ATP5F1E: variants seen among roughly 807,000 people sequenced by gnomAD.
ATP5F1E encodes ATP synthase F(1) complex subunit epsilon, mitochondrial.
In ATP5F1E, 5 loss-of-function variants were observed where a neutral mutation model predicts 7.0. The ratio of observed to expected loss-of-function variants is 0.71; its 90% CI spans 0.37 to 1.49. ATP5F1E has a LOEUF of 1.49. Among genes scored for constraint, ATP5F1E ranks in the 40% most tolerant of loss-of-function variants. The pLI is 0.03. For synonymous variants in ATP5F1E, 20 were observed against 20.1 expected, an observed-to-expected ratio of 0.99 and a Z score of 0.02; for missense variants, 59 against 57.1, an observed-to-expected ratio of 1.03 and a Z score of -0.11.
At chr20:59,030,128 A>G (rs2092016469) in intron 2 of ATP5F1E, 175 bp downstream of exon 2, 1 of 698,244 alleles carries the variant, frequency 1.4e-6, no homozygotes. Flanking sequence ...CTTTCTTTTT[A>G]TTAGGCCAGG....
rs1283932860 is a variant in ATP5F1E, at chr20:59,028,077, A to T, written c.*768T>A. 1 of 152,242 alleles carries T rather than the reference A, an allele frequency of 6.6e-6. No individual in the cohort carries two copies. Among genetic ancestry groups the T allele is most frequent in the Non-Finnish European group, 1.5e-5 (1 of 68,042 alleles). The allele number at this position is 152,242 out of a possible 1,614,324, so 9.4% of individuals were successfully genotyped here. On this transcript the variant is annotated 3_prime_UTR_variant, in exon 3 of 3. Transcript: ENST00000243997. ...TAACTTGCAACAATTTTTCATCCCT[A>T]AATAATGAATGAATGAATCACTATG...
chr20:59,031,703 T>C (rs887526742), intron 1 of ATP5F1E, among the ~76,000 whole-genome samples: 1 of 152,178 alleles, frequency 6.6e-6, no homozygotes, highest in African/African-American at 2.4e-5. Flanking sequence ...CTTTCACCCC[T>C]TTTAGACATA....
intron 2 of ATP5F1E, 123 bp downstream of exon 2, chr20:59,030,180 T>C: frequency 7.6e-7 from 1 of 1,311,318 alleles, no homozygotes; most frequent in Middle Eastern, 2.6e-4. Context: ...ACCATCCCAA[T>C]AACTAACTTC....
intron 1 of ATP5F1E, 149 bp downstream of exon 1, chr20:59,032,071 C>T (rs2092035596): frequency 1.7e-6 from 2 of 1,146,572 alleles, no homozygotes; most frequent in African/African-American, 1.6e-5. Context: ...GCTTTGCCCA[C>T]AGCGACGCCA....
rs45551238 is a variant in ATP5F1E, at chr20:59,032,308, C to A, written c.-57G>T. On this transcript the variant is annotated 5_prime_UTR_variant, in exon 1 of 3. Coordinates refer to ENST00000243997, the MANE Select transcript of ATP5F1E (RefSeq NM_006886.4). The stretch of plus-strand genomic sequence containing the variant: ...ATCGCCAAGACGCCGGCAATGTCGG[C>A]TCAGCCGGGCGGTTCAGCCGCAGGA... The A allele has an allele frequency of 2.5e-6, 4 of 1,572,726 alleles. No homozygotes were observed. The highest frequency in any genetic ancestry group is 1.9e-5 in the Admixed American group (1 of 53,624).
rs756069311 is a variant in ATP5F1E at position 59,030,403 on chromosome 20, G to T, written c.59C>A (p.Ala20Glu). 1.2e-6 allele frequency: 2 copies of T among 1,613,778 alleles called. No individual in the cohort carries two copies. Among genetic ancestry groups the T allele is most frequent in the Non-Finnish European group, 1.7e-6 (2 of 1,179,838 alleles). Reference protein sequence around the residue: ...LSYIRYSQICAKAVRDALKTE... With the variant: ...LSYIRYSQICEKAVRDALKTE... Reference sequence around the variant, plus strand: ...CTTCAGTGCATCTCTCACTGCTTTTGCACAGATCTGGGAGTATCGGATGTA... The same window carrying T: ...CTTCAGTGCATCTCTCACTGCTTTTTCACAGATCTGGGAGTATCGGATGTA... The change falls in exon 2 of 3, where the codon GCA (alanine) becomes GAA (glutamate). Residue 20 changes from alanine to glutamate, a missense_variant. By Grantham distance (107) the Ala-to-Glu change is moderately radical. Coordinates refer to ENST00000243997, the MANE Select transcript of ATP5F1E (RefSeq NM_006886.4).
chr20:59,032,298 G>A lies in ATP5F1E; in HGVS notation c.-47C>T, dbSNP rs369316428. On this transcript the variant is annotated 5_prime_UTR_variant, in exon 1 of 3. Transcript: ENST00000243997. Reference sequence around the variant, plus strand: ...GTCGGGCCGAATCGCCAAGACGCCGGCAATGTCGGCTCAGCCGGGCGGTTC... The same window carrying A: ...GTCGGGCCGAATCGCCAAGACGCCGACAATGTCGGCTCAGCCGGGCGGTTC... The A allele has an allele frequency of 4.3e-5, 68 of 1,583,890 alleles. No homozygotes were observed. In the African/African-American group the frequency reaches 6.3e-4, roughly 15 times the overall value.
Position 59,026,202 on chromosome 20 carries a change from C to G in ATP5F1E, c.*2643G>C, listed in dbSNP as rs777707225. On this transcript the variant is annotated 3_prime_UTR_variant, in exon 3 of 3. Coordinates refer to ENST00000243997, the MANE Select transcript of ATP5F1E (RefSeq NM_006886.4). ...CTTCACTCTTTTCACTTATGCATCA[C>G]GAGGAAATAACTAAAATACATACCA... 4 of 152,176 alleles carry G rather than the reference C, an allele frequency of 2.6e-5. No homozygotes were observed. Among genetic ancestry groups the G allele is most frequent in the Admixed American group, 2.0e-4 (3 of 15,292 alleles). 9.4% of individuals were successfully genotyped at this position (152,176 alleles called of 1,614,324 possible).
Position 59,028,499 on chromosome 20 carries a change from A to C in ATP5F1E, c.*346T>G, listed in dbSNP as rs1417693670. On this transcript the variant is annotated 3_prime_UTR_variant, in exon 3 of 3. Transcript: ENST00000243997. ...TGACAGCAGATAATTTTGATCACCA[A>C]TTAATGTCATGAAACAACTATTTTG... is the stretch of plus-strand genomic sequence containing the variant. 6.5e-6 allele frequency: 1 copy of C among 152,740 alleles called. No homozygotes were observed. Among genetic ancestry groups the C allele is most frequent in the Non-Finnish European group, 1.5e-5 (1 of 68,030 alleles). 9.5% of individuals were successfully genotyped at this position (152,740 alleles called of 1,614,324 possible).
Position 59,032,317 on chromosome 20 carries a change from G to C in ATP5F1E, c.-66C>G. 2 of 1,564,118 alleles carry C rather than the reference G, an allele frequency of 1.3e-6. No homozygotes were observed. Among genetic ancestry groups the C allele is most frequent in the Non-Finnish European group, 1.7e-6 (2 of 1,153,546 alleles). ...ACGCCGGCAATGTCGGCTCAGCCGG[G>C]CGGTTCAGCCGCAGGAAGATCAGAC... is the stretch of plus-strand genomic sequence containing the variant. On this transcript the variant is annotated 5_prime_UTR_variant, in exon 1 of 3. Transcript: ENST00000243997.
chr20:59,026,392 C>T lies in ATP5F1E; in HGVS notation c.*2453G>A, dbSNP rs2091994801. ...ATACTTAGTTTGAAGTTAGTAACTT[C>T]CTGAGATGCTAAAGACTTACAGCCT... On this transcript the variant is annotated 3_prime_UTR_variant, in exon 3 of 3. Transcript: ENST00000243997. 1 of 152,184 alleles carries T rather than the reference C, an allele frequency of 6.6e-6. No individual in the cohort carries two copies. The highest frequency in any genetic ancestry group is 1.5e-5 in the Non-Finnish European group (1 of 68,034). The allele number at this position is 152,184 out of a possible 1,614,324, so 9.4% of individuals were successfully genotyped here.
In ATP5F1E at chr20:59,030,374, C is replaced by T. The variant is rs7509466; in HGVS notation, c.88G>A (p.Glu30Lys). 1.2e-6 allele frequency: 2 copies of T among 1,613,842 alleles called. No individual in the cohort carries two copies. Among genetic ancestry groups the T allele is most frequent in the East Asian group, 2.2e-5 (1 of 44,844 alleles). The change falls in exon 2 of 3, where the codon GAA (glutamate) becomes AAA (lysine). Residue 30 changes from glutamate to lysine, a missense_variant. Glu to Lys is a moderately conservative substitution (Grantham distance 56, BLOSUM62 1). Coordinates refer to ENST00000243997, the MANE Select transcript of ATP5F1E (RefSeq NM_006886.4). ...GTCTTCTCAGCATTTGCTTTGAATTCTGTCTTCAGTGCATCTCTCACTGCT... is the reference window on the plus strand; with the variant it reads ...GTCTTCTCAGCATTTGCTTTGAATTTTGTCTTCAGTGCATCTCTCACTGCT... ...AKAVRDALKTEFKANAEKTSG... is the reference protein window; with the variant it reads ...AKAVRDALKTKFKANAEKTSG...
In ATP5F1E at chr20:59,032,303, G is replaced by A. The variant is rs746118790; in HGVS notation, c.-52C>T. 1.3e-5 allele frequency: 20 copies of A among 1,580,156 alleles called. No individual in the cohort carries two copies. In the Admixed American group the frequency reaches 2.4e-4, roughly 19 times the overall value. On this transcript the variant is annotated 5_prime_UTR_variant, in exon 1 of 3. Coordinates refer to ENST00000243997, the MANE Select transcript of ATP5F1E (RefSeq NM_006886.4). The stretch of plus-strand genomic sequence containing the variant: ...GCCGAATCGCCAAGACGCCGGCAAT[G>A]TCGGCTCAGCCGGGCGGTTCAGCCG...
At chr20:59,030,913 T>C (rs2092023746) in intron 1 of ATP5F1E, among the ~76,000 whole-genome samples, 1 of 152,238 alleles carries the variant, frequency 6.6e-6, no homozygotes, top group Non-Finnish European at 1.5e-5. Flanking sequence ...AACTCTTCTC[T>C]GAGAATACTG....
rs748972901 is a variant in ATP5F1E, at chr20:59,030,294, A to G, written c.*3+9T>C. On this transcript the variant is annotated intron_variant, in intron 2 of 2. Transcript: ENST00000243997. The stretch of plus-strand genomic sequence containing the variant: ...TGCAACTGTTCTTCTAAATAAATCC[A>G]TAACTTACAGATTATTCCTTCTTTA... 2.5e-6 allele frequency: 4 copies of G among 1,613,228 alleles called. No homozygotes were observed. The South Asian group carries it at 4.4e-5, about 18-fold the overall frequency.
chr20:59,026,405 A>G lies in ATP5F1E; in HGVS notation c.*2440T>C, dbSNP rs549661772. The stretch of plus-strand genomic sequence containing the variant: ...AGTTAGTAACTTCCTGAGATGCTAA[A>G]GACTTACAGCCTGCGATTATACAAG... On this transcript the variant is annotated 3_prime_UTR_variant, in exon 3 of 3. Coordinates refer to ENST00000243997, the MANE Select transcript of ATP5F1E (RefSeq NM_006886.4). The G allele has an allele frequency of 1.3e-5, 2 of 152,244 alleles. No homozygotes were observed. The highest frequency in any genetic ancestry group is 2.9e-5 in the Non-Finnish European group (2 of 68,042). The allele number at this position is 152,244 out of a possible 1,614,324, so 9.4% of individuals were successfully genotyped here. A position where few individuals can be genotyped will look rare whatever the true frequency, so the allele number is the denominator to read the frequency against.
At position 59,025,827 on chromosome 20, in the gene ATP5F1E, T is replaced by C. The variant is rs2091991416; in HGVS notation, c.*3018A>G. On this transcript the variant is annotated 3_prime_UTR_variant, in exon 3 of 3. Coordinates refer to ENST00000243997, the MANE Select transcript of ATP5F1E (RefSeq NM_006886.4). ...GCAGAAGTTGCCATAAATGTTTGCATAATGACATAGCTTTAAGCACTACAT... is the reference window on the plus strand; with the variant it reads ...GCAGAAGTTGCCATAAATGTTTGCACAATGACATAGCTTTAAGCACTACAT... 1 of 152,266 alleles carries C rather than the reference T, an allele frequency of 6.6e-6. No individual in the cohort carries two copies. Among genetic ancestry groups the C allele is most frequent in the Non-Finnish European group, 1.5e-5 (1 of 68,050 alleles). 9.4% of individuals were successfully genotyped at this position (152,266 alleles called of 1,614,324 possible).
chr20:59,032,255 G>C lies in ATP5F1E; in HGVS notation c.-4C>G, dbSNP rs764178671. The C allele has an allele frequency of 1.2e-6, 2 of 1,601,854 alleles. No individual in the cohort carries two copies. The highest frequency in any genetic ancestry group is 1.1e-5 in the South Asian group (1 of 88,894). On this transcript the variant is annotated 5_prime_UTR_variant, in exon 1 of 3. Coordinates refer to ENST00000243997, the MANE Select transcript of ATP5F1E (RefSeq NM_006886.4). ...CCTGTCTCCAGTAGGCCACCATGCT[G>C]TAGCGAAAGCGGAGCTCGTCGGGCC...
intron 2 of ATP5F1E, 150 bp downstream of exon 2, chr20:59,030,153 T>A: frequency 1.9e-6 from 2 of 1,030,352 alleles, no homozygotes; most frequent in South Asian, 3.0e-5. Context: ...TTCTATAACC[T>A]GCATGCTTTA....
Sources: allele counts gnomAD v4.1 joint callset (sites outside exome capture counted in the v4.1 genomes callset), GRCh38; gene constraint gnomAD v4.1.1; transcripts MANE v1.5; gene names NCBI Gene and HGNC (gene_info 2026-07-23, HGNC 2026-07-21).